The following BBX variants were observed in gnomAD, a reference collection of about 807,000 sequenced individuals.
BBX encodes the protein HMG box transcription factor BBX.
In BBX, 30 loss-of-function variants were observed where a neutral mutation model predicts 100.2. The observed-to-expected ratio is 0.30, with a 90% CI of 0.22 to 0.41. The LOEUF is 0.41. Among genes scored for constraint, BBX ranks in the 10% least tolerant of loss-of-function variants. BBX has a pLI of 1.00. For missense variants in BBX, 1,023 were observed against 1,129.8 expected (o/e 0.91, Z 1.35); for synonymous variants, 376 against 388.1 (o/e 0.97, Z 0.37).
intron 12 of BBX, chr3:107,776,231 G>A (rs921374294): frequency 3.9e-5 from 6 of 152,108 alleles, no homozygotes; most frequent in African/African-American, 1.2e-4. Flanking sequence ...CCCAACAGAA[G>A]CATTTCTCTG....
Position 107,555,588 on chromosome 3 carries a change from A to G in BBX, c.-84+29190A>G, listed in dbSNP as rs1474914274. Among the ~76,000 whole-genome samples, 3 of 152,228 alleles carry G rather than the reference A, an allele frequency of 2.0e-5. No individual in the cohort carries two copies. In the East Asian group the frequency reaches 5.8e-4, roughly 29 times the overall value. ...ACTCATGTTTAAGAATGTGGTGTTC[A>G]TGTTCTGAAAATACAATTATGTATC... On this transcript the variant is annotated intron_variant, in intron 2 of 17. Coordinates refer to ENST00000325805, the MANE Select transcript of BBX (RefSeq NM_001142568.3).
At chr3:107,716,454 T>C in intron 4 of BBX, 153 bp from the exon 5 acceptor site, 1 of 896,584 alleles carries the variant, frequency 1.1e-6, no homozygotes, top group Non-Finnish European at 1.6e-6. Flanking sequence ...CCATGAACAG[T>C]GGTTGTTGAT....
chr3:107,575,454 G>A (rs1321937854), intron 2 of BBX, among the ~76,000 whole-genome samples: 1 of 151,956 alleles, frequency 6.6e-6, no homozygotes, highest in Non-Finnish European at 1.5e-5. Context: ...TATTTTCATT[G>A]AGTTTTTTAG....
At chr3:107,671,488 A>G (rs1466035709) in intron 3 of BBX, among the ~76,000 whole-genome samples, 1 of 152,054 alleles carries the variant, frequency 6.6e-6, no homozygotes, top group Non-Finnish European at 1.5e-5. Flanking sequence ...TTGACCTAAC[A>G]AGGGCTACAT....
intron 3 of BBX, among the ~76,000 whole-genome samples, chr3:107,653,567 TC>T (rs2057968913): frequency 6.6e-6 from 1 of 152,212 alleles, no homozygotes; most frequent in Non-Finnish European, 1.5e-5. Flanking sequence ...TTTTGTATTA[TC>T]TTGTATAACC....
At chr3:107,796,703 C>T (rs2069705528) in intron 15 of BBX, among the ~76,000 whole-genome samples, 1 of 151,550 alleles carries the variant, frequency 6.6e-6, no homozygotes. Flanking sequence ...TTGCTGGAAG[C>T]TTTTATTGAA....
At chr3:107,704,700 T>A (rs1208381515) in intron 3 of BBX, among the ~76,000 whole-genome samples, 1 of 152,212 alleles carries the variant, frequency 6.6e-6, no homozygotes, top group Non-Finnish European at 1.5e-5. Flanking sequence ...AGATCCCCCA[T>A]GACTGCATTG....
chr3:107,531,273 G>A (rs773370918), intron 2 of BBX, among the ~76,000 whole-genome samples: 2 of 152,274 alleles, frequency 1.3e-5, no homozygotes, highest in African/African-American at 2.4e-5. Flanking sequence ...TGTAGTAGAA[G>A]GTGTAGTACA....
intron 1 of BBX, among the ~76,000 whole-genome samples, chr3:107,524,941 C>A (rs1379757561): frequency 6.6e-6 from 1 of 151,784 alleles, no homozygotes; most frequent in African/African-American, 2.4e-5. Context: ...GTTCTCTTCT[C>A]CCGGCCGCGG....
intron 3 of BBX, among the ~76,000 whole-genome samples, chr3:107,659,054 C>T (rs965620809): frequency 6.6e-6 from 1 of 152,042 alleles, no homozygotes; most frequent in Non-Finnish European, 1.5e-5. Context: ...TAGATCACTA[C>T]TTTCCATTTG....
chr3:107,789,876 G>C lies in BBX; in HGVS notation c.2293G>C (p.Gly765Arg). Reference protein sequence around the residue: ...KKEKPNVPEKGSGDKWSNKQL... With the variant: ...KKEKPNVPEKRSGDKWSNKQL... ...GGAGAAGCCCAATGTTCCGGAAAAAGGTATTGGTGCCCTCCATCCTCCATG... is the reference window on the plus strand; with the variant it reads ...GGAGAAGCCCAATGTTCCGGAAAAACGTATTGGTGCCCTCCATCCTCCATG... The change falls in exon 14 of 18, where the codon GGA becomes CGA. Residue 765 changes from glycine (G) to arginine (R), a missense_variant and splice_region_variant. Around this residue, in one of 9 missense-constraint regions of BBX, gnomAD observed 215 missense variants for 211.3 expected, o/e 1.02. Coordinates refer to ENST00000325805, the MANE Select transcript of BBX (RefSeq NM_001142568.3). 4 of 1,545,834 alleles carry C rather than the reference G, an allele frequency of 2.6e-6. No individual in the cohort carries two copies. Among genetic ancestry groups the C allele is most frequent in the Non-Finnish European group, 3.5e-6 (4 of 1,142,242 alleles).
chr3:107,732,913 A>C (rs2063398930), intron 6 of BBX, 43 bp from the exon 7 acceptor site: 1 of 1,501,082 alleles, frequency 6.7e-7, no homozygotes, highest in African/African-American at 1.4e-5. Context: ...GATTGTATGT[A>C]CTTTATGCTT....
At chr3:107,787,024 A>AT (rs2068501688) in intron 13 of BBX, among the ~76,000 whole-genome samples, 1 of 152,238 alleles carries the variant, frequency 6.6e-6, no homozygotes, top group Admixed American at 6.5e-5. Context: ...TACGTGGCCG[A>AT]TAAGTACAAG....
intron 2 of BBX, among the ~76,000 whole-genome samples, chr3:107,563,579 T>TAATA (rs2050667844): frequency 6.6e-6 from 1 of 152,190 alleles, no homozygotes; most frequent in South Asian, 2.1e-4. Context: ...ACTTCACAAG[T>TAATA]AATACATGAA....
At chr3:107,703,328 A>G (rs575774669) in intron 3 of BBX, among the ~76,000 whole-genome samples, 253 of 152,266 alleles carry the variant, frequency 1.7e-3, no homozygotes, top group African/African-American at 5.7e-3. Flanking sequence ...TTCTCTATGT[A>G]TATAGCTTTT....
chr3:107,603,260 A>G (rs2054191275), intron 2 of BBX, among the ~76,000 whole-genome samples: 5 of 151,884 alleles, frequency 3.3e-5, no homozygotes, highest in Admixed American at 3.3e-4. Flanking sequence ...CACTGTGCCC[A>G]GCCTGATTCC....
intron 13 of BBX, among the ~76,000 whole-genome samples, chr3:107,787,212 G>A (rs1253759766): frequency 1.3e-5 from 2 of 152,098 alleles, no homozygotes; most frequent in African/African-American, 4.8e-5. Context: ...GGCCAGGATG[G>A]TCTTGATCTC....
chr3:107,672,155 T>C (rs977193366), intron 3 of BBX, among the ~76,000 whole-genome samples: 16 of 152,076 alleles, frequency 1.1e-4, no homozygotes, highest in Non-Finnish European at 1.9e-4. Flanking sequence ...AGAGCAGATG[T>C]ATTAGAGTCA....
chr3:107,548,893 A>G (rs1177629223), intron 2 of BBX, among the ~76,000 whole-genome samples: 1 of 152,364 alleles, frequency 6.6e-6, no homozygotes, highest in Middle Eastern at 3.4e-3. Context: ...GTAAGAACAG[A>G]AAACCAAATA....
Sources: gnomAD v4.1 joint callset for allele counts (sites outside exome capture counted in the v4.1 genomes callset) on GRCh38, gnomAD v4.1.1 for gene constraint, gnomAD v4.1.1 regional missense constraint, MANE v1.5 for transcripts, NCBI Gene and HGNC (gene_info 2026-07-23, HGNC 2026-07-21) for gene names.